Variants in PCDHGA7 observed in about 807,000 individuals in gnomAD.
PCDHGA7 encodes the protein protocadherin gamma-A7.
In PCDHGA7, 44 loss-of-function variants were observed where a neutral mutation model predicts 58.3. The ratio of observed to expected loss-of-function variants is 0.75; its 90% CI spans 0.59 to 0.97. PCDHGA7 has a LOEUF of 0.97. Ranked by LOEUF, PCDHGA7 falls within the 50% of genes least tolerant of loss-of-function variation. The pLI, the probability that PCDHGA7 is intolerant of heterozygous loss-of-function variation, is 0.00. For synonymous variants in PCDHGA7, 516 were observed against 504.2 expected, an observed-to-expected ratio of 1.02 and a Z score of -0.31; for missense variants, 1,266 against 1,188.7, an observed-to-expected ratio of 1.06 and a Z score of -0.96.
At chr5:141,421,977 G>A in intron 1 of PCDHGA7, 1 of 1,609,542 alleles carries the variant, frequency 6.2e-7, no homozygotes, top group Admixed American at 1.7e-5. Context: ...TATATCGCGT[G>A]AGTGTTCCAG....
intron 1 of PCDHGA7, among the ~76,000 whole-genome samples, chr5:141,465,130 AAG>A (rs1277023430): frequency 2.6e-5 from 4 of 151,968 alleles, no homozygotes; most frequent in Non-Finnish European, 5.9e-5. Flanking sequence ...AATTTGTAAA[AAG>A]TTTAGGGGAT....
chr5:141,437,794 G>A (rs1162440523), intron 1 of PCDHGA7, among the ~76,000 whole-genome samples: 3 of 150,526 alleles, frequency 2.0e-5, no homozygotes, highest in Non-Finnish European at 4.4e-5. Flanking sequence ...CTGGAGTGCA[G>A]TGGCACTATC....
intron 3 of PCDHGA7, 89 bp from the exon 4 acceptor site, chr5:141,510,858 T>C (rs992991460): frequency 5.8e-5 from 93 of 1,606,182 alleles, no homozygotes; most frequent in South Asian, 1.0e-4. Flanking sequence ...GGGTGCTGTA[T>C]AGGCATTCAT....
At chr5:141,488,183 T>C (rs1249953031) in intron 1 of PCDHGA7, among the ~76,000 whole-genome samples, 1 of 152,148 alleles carries the variant, frequency 6.6e-6, no homozygotes, top group Non-Finnish European at 1.5e-5. Flanking sequence ...CATAGATCTT[T>C]TGGTCTGGGT....
At chr5:141,393,303 G>C in intron 1 of PCDHGA7, 1 of 1,613,764 alleles carries the variant, frequency 6.2e-7, no homozygotes, top group Non-Finnish European at 8.5e-7. Context: ...GGATGTGGGC[G>C]TGAACTCCCT....
At chr5:141,399,652 G>A in intron 1 of PCDHGA7, 1 of 1,613,758 alleles carries the variant, frequency 6.2e-7, no homozygotes, top group Non-Finnish European at 8.5e-7. Flanking sequence ...GCAAAGTGGG[G>A]TGGTGTTCGC....
chr5:141,489,592 C>A lies in PCDHGA7; in HGVS notation c.2425-5215C>A, dbSNP rs747085985. On this transcript the variant is annotated intron_variant, in intron 1 of 3. Coordinates refer to ENST00000518325, the MANE Select transcript of PCDHGA7 (RefSeq NM_018920.4). The surrounding 1 kb of genome is among the most constrained non-coding windows in gnomAD (Gnocchi z 4.5). ...GACTGAACACCCCCTGGAGCTAATCCGTGTAGAGGTAGAGATCCTGGATCT... is the reference window on the plus strand; with the variant it reads ...GACTGAACACCCCCTGGAGCTAATCAGTGTAGAGGTAGAGATCCTGGATCT... 3 of 1,614,046 alleles carry A rather than the reference C, an allele frequency of 1.9e-6. No homozygotes were observed. Among genetic ancestry groups the A allele is most frequent in the Non-Finnish European group, 2.5e-6 (3 of 1,179,978 alleles).
At chr5:141,415,871 G>T (rs2095966585) in intron 1 of PCDHGA7, 2 of 1,074,308 alleles carry the variant, frequency 1.9e-6, no homozygotes, top group South Asian at 2.3e-5. Context: ...TAGTGTTGTT[G>T]AGTACAATAT....
chr5:141,399,320 A>G, intron 1 of PCDHGA7: 3 of 1,614,010 alleles, frequency 1.9e-6, no homozygotes, highest in Non-Finnish European at 2.5e-6. Context: ...AAAAATTCGT[A>G]TAAGTTGGTA....
chr5:141,510,621 A>G (rs1317150967), intron 3 of PCDHGA7, among the ~76,000 whole-genome samples: 1 of 152,176 alleles, frequency 6.6e-6, no homozygotes, highest in Non-Finnish European at 1.5e-5. Flanking sequence ...CACTAAAACC[A>G]GAAGAGGTGG....
rs539882096 is a variant in PCDHGA7, at chr5:141,384,198, C to T, written c.1299C>T (p.Ser433=). Residue 433 remains serine, a synonymous_variant, in exon 1 of 4, where the codon TCC becomes TCT. Coordinates refer to ENST00000518325, the MANE Select transcript of PCDHGA7 (RefSeq NM_018920.4). ...CAGATGGTGGAACTCCTCCCTTGTCCAGGGAAACTCACATATTCATGCAGG... is the reference window on the plus strand; with the variant it reads ...CAGATGGTGGAACTCCTCCCTTGTCTAGGGAAACTCACATATTCATGCAGG... The part of the protein sequence containing the change: ...KATDGGTPPL[S]RETHIFMQVA... 6.2e-7 allele frequency: 1 copy of T among 1,613,734 alleles called. No homozygotes were observed. The highest frequency in any genetic ancestry group is 8.5e-7 in the Non-Finnish European group (1 of 1,179,762).
Position 141,383,755 on chromosome 5 carries a change from C to T in PCDHGA7, c.856C>T (p.Pro286Ser). Residue 286 changes from proline (P) to serine (S), a missense_variant, in exon 1 of 4, where the codon CCT (proline) becomes TCT (serine). Coordinates refer to ENST00000518325, the MANE Select transcript of PCDHGA7 (RefSeq NM_018920.4). ...GACATATTCTTTTCGGAAAATAACT[C>T]CTAAACTTCCAAAGATGTTTCATCT... is the stretch of plus-strand genomic sequence containing the variant. ...EVTYSFRKIT[P>S]KLPKMFHLNS... is the part of the protein sequence containing the mutation. The T allele has an allele frequency of 6.2e-7, 1 of 1,613,958 alleles. No individual in the cohort carries two copies. Among genetic ancestry groups the T allele is most frequent in the Non-Finnish European group, 8.5e-7 (1 of 1,179,880 alleles).
intron 1 of PCDHGA7, among the ~76,000 whole-genome samples, chr5:141,470,572 A>G (rs1349952470): frequency 6.6e-6 from 1 of 152,208 alleles, no homozygotes; most frequent in Non-Finnish European, 1.5e-5. Flanking sequence ...GCCAAGCAGG[A>G]TCAACTTCAT....
chr5:141,492,395 C>G (rs2099740183), intron 1 of PCDHGA7, among the ~76,000 whole-genome samples: 1 of 152,242 alleles, frequency 6.6e-6, no homozygotes, highest in African/African-American at 2.4e-5. Flanking sequence ...GGTCCACTCG[C>G]AGCTCCCCTC....
chr5:141,462,656 A>G (rs1427673992), intron 1 of PCDHGA7, among the ~76,000 whole-genome samples: 2 of 151,950 alleles, frequency 1.3e-5, no homozygotes, highest in African/African-American at 4.8e-5. Context: ...ATCCTCAATT[A>G]TCTTCATATT....
At position 141,447,667 on chromosome 5, in the gene PCDHGA7, G is replaced by A. The variant is rs115529144; in HGVS notation, c.2425-47140G>A. 2.4e-3 allele frequency among the ~76,000 whole-genome samples: 372 copies of A among 152,278 alleles called. 2 individuals are homozygous for A. Among genetic ancestry groups the A allele is most frequent in the African/African-American group, 8.6e-3 (358 of 41,546 alleles). The stretch of plus-strand genomic sequence containing the variant: ...TAGAATTTTCCCCCCCAGGAAGTTA[G>A]AACTGTTCCATATCTTGATAGAGGG... On this transcript the variant is annotated intron_variant, in intron 1 of 3. Transcript: ENST00000518325.
At chr5:141,387,435 A>G (rs988959651) in intron 1 of PCDHGA7, among the ~76,000 whole-genome samples, 1 of 152,240 alleles carries the variant, frequency 6.6e-6, no homozygotes, top group African/African-American at 2.4e-5. Flanking sequence ...ATGTTTATGT[A>G]CTTAATCTAC....
chr5:141,438,764 C>T (rs963627140), intron 1 of PCDHGA7, among the ~76,000 whole-genome samples: 38 of 148,736 alleles, frequency 2.6e-4, no homozygotes, highest in African/African-American at 9.4e-4. Context: ...TGGGTTCAAG[C>T]GATTCTCCTG....
At chr5:141,427,732 G>T in intron 1 of PCDHGA7, 1 of 1,190,370 alleles carries the variant, frequency 8.4e-7, no homozygotes, top group Non-Finnish European at 1.2e-6. Context: ...GGGCTGAATG[G>T]CCAAGTCTCC....
Sources: gnomAD v4.1 joint callset for allele counts (sites outside exome capture counted in the v4.1 genomes callset) on GRCh38, gnomAD v4.1.1 for gene constraint, Gnocchi (gnomAD v3.1) non-coding constraint, MANE v1.5 for transcripts, NCBI Gene and HGNC (gene_info 2026-07-23, HGNC 2026-07-21) for gene names.